Variants in HCK observed in about 807,000 individuals in gnomAD.
HCK encodes tyrosine-protein kinase HCK.
Under a neutral mutation model 70.4 loss-of-function variants are expected in HCK, and 40 were observed. The observed-to-expected ratio is 0.57, with a 90% CI of 0.44 to 0.74. The LOEUF is 0.74. HCK is among the 30% of genes least tolerant of loss of function. The probability of loss-of-function intolerance (pLI) is 0.00; values close to 1 mark genes in which losing one functional copy is unlikely to be tolerated. For missense variants in HCK, 568 were observed against 697.2 expected, an observed-to-expected ratio of 0.81 and a Z score of 2.09; for synonymous variants, 245 against 263.2, an observed-to-expected ratio of 0.93 and a Z score of 0.67.
chr20:32,076,954 C>T (rs1462165527), intron 5 of HCK, among the ~76,000 whole-genome samples: 2 of 152,058 alleles, frequency 1.3e-5, no homozygotes, highest in East Asian at 1.9e-4. Flanking sequence ...GGTGTGATGG[C>T]GGGCTCCTGT....
At chr20:32,091,638 C>A (rs761150504) in intron 10 of HCK, among the ~76,000 whole-genome samples, 5 of 152,008 alleles carry the variant, frequency 3.3e-5, no homozygotes, top group African/African-American at 9.7e-5. Flanking sequence ...CCCCACCCCC[C>A]ACTATTCTAA....
chr20:32,069,962 T>C (rs909697845), intron 1 of HCK, among the ~76,000 whole-genome samples: 2 of 152,244 alleles, frequency 1.3e-5, no homozygotes, highest in Non-Finnish European at 2.9e-5. Context: ...ACAGCCTGCC[T>C]TCTCAGCAAA....
Position 32,058,433 on chromosome 20 carries a change from G to A in HCK, c.62+5947G>A, listed in dbSNP as rs527499733. Among the ~76,000 whole-genome samples the A allele has an allele frequency of 1.1e-4, 17 of 151,634 alleles. No homozygotes were observed. In the East Asian group the frequency reaches 1.2e-3, roughly 10 times the overall value. On this transcript the variant is annotated intron_variant, in intron 1 of 12. Coordinates refer to ENST00000375852, the MANE Select transcript of HCK (RefSeq NM_002110.5). ...TGTAATTTCAGCTACTTGGGAAGCC[G>A]AGGCAGGAGAATTGCTGGAACCCGG... is the stretch of plus-strand genomic sequence containing the variant.
At position 32,077,073 on chromosome 20, in the gene HCK, G is replaced by A. The variant is rs76702896; in HGVS notation, c.428+2352G>A. ...CACTCCAGCCTGGACAACAGAGCGA[G>A]ACTCTATCTCAAAAAATAATAATAA... On this transcript the variant is annotated intron_variant, in intron 5 of 12. Coordinates refer to ENST00000375852, the MANE Select transcript of HCK (RefSeq NM_002110.5). 2.2e-3 allele frequency among the ~76,000 whole-genome samples: 331 copies of A among 152,196 alleles called. 2 individuals are homozygous for A. The highest frequency in any genetic ancestry group is 7.2e-3 in the African/African-American group (300 of 41,532).
At chr20:32,093,209 T>C (rs1327016710) in intron 10 of HCK, among the ~76,000 whole-genome samples, 5 of 152,176 alleles carry the variant, frequency 3.3e-5, no homozygotes, top group Non-Finnish European at 5.9e-5. Flanking sequence ...CCTCCCAAAG[T>C]GCTGGGATTA....
intron 1 of HCK, among the ~76,000 whole-genome samples, chr20:32,052,856 G>A (rs937245258): frequency 6.6e-6 from 1 of 151,906 alleles, no homozygotes; most frequent in Non-Finnish European, 1.5e-5. Flanking sequence ...CAGAACCCGG[G>A]AAGGGGAAGG....
At position 32,093,897 on chromosome 20, in the gene HCK, A is replaced by G. The variant is rs1322451136; in HGVS notation, c.1127A>G (p.Asn376Ser). 2 of 1,613,776 alleles carry G rather than the reference A, an allele frequency of 1.2e-6. No individual in the cohort carries two copies. The highest frequency in any genetic ancestry group is 1.3e-5 in the African/African-American group (1 of 74,894). Residue 376 changes from asparagine to serine, a missense_variant, in exon 11 of 13, where the codon AAC (asparagine) becomes AGC (serine). Transcript: ENST00000375852. ...GGCATGGCCTTCATCGAGCAGAGGA[A>G]CTACATCCACCGAGACCTCCGAGCT...
intron 10 of HCK, among the ~76,000 whole-genome samples, chr20:32,091,943 C>T (rs2045869124): frequency 6.6e-6 from 1 of 151,618 alleles, no homozygotes. Context: ...TGTGATCCCA[C>T]CACTGTACTC....
chr20:32,067,411 C>A (rs2045474060), intron 1 of HCK, among the ~76,000 whole-genome samples: 1 of 152,172 alleles, frequency 6.6e-6, no homozygotes, highest in Non-Finnish European at 1.5e-5. Flanking sequence ...CCCCTGGCAA[C>A]CACCATTCTA....
chr20:32,072,018 T>G (rs1250398581), intron 2 of HCK: 7 of 535,560 alleles, frequency 1.3e-5, no homozygotes, highest in Non-Finnish European at 2.0e-5. Flanking sequence ...CAGCCTGAGC[T>G]CCACCAAACA....
chr20:32,077,033 G>A (rs1442504421), intron 5 of HCK, among the ~76,000 whole-genome samples: 3 of 152,030 alleles, frequency 2.0e-5, no homozygotes, highest in East Asian at 1.9e-4. Context: ...GCAGTGAGCC[G>A]AGATCACGCC....
chr20:32,088,378 A>C (rs1212091693), intron 9 of HCK, among the ~76,000 whole-genome samples, 190 bp from the exon 10 acceptor site: 1 of 152,196 alleles, frequency 6.6e-6, no homozygotes, highest in Non-Finnish European at 1.5e-5. Flanking sequence ...TAGCAATCAA[A>C]AAGTCACTTC....
chr20:32,053,637 CAAAAAAAAAA>C (rs1160849578), intron 1 of HCK, among the ~76,000 whole-genome samples: 10 of 60,796 alleles, frequency 1.6e-4, no homozygotes, highest in South Asian at 7.4e-4. Flanking sequence ...GACTCTGTCT[CAAAAAAAAAA>C]AAAAAAAAAA....
chr20:32,061,898 G>A (rs746215798), intron 1 of HCK, among the ~76,000 whole-genome samples: 27 of 151,668 alleles, frequency 1.8e-4, no homozygotes, highest in Admixed American at 3.9e-4. Flanking sequence ...GAAACCCTGG[G>A]TGGGGGTTGA....
At chr20:32,095,918 C>G (rs1400627977) in intron 11 of HCK, among the ~76,000 whole-genome samples, 1 of 151,176 alleles carries the variant, frequency 6.6e-6, no homozygotes, top group African/African-American at 2.4e-5. Context: ...GAGACGGAGT[C>G]TCGCTCTGCT....
intron 8 of HCK, among the ~76,000 whole-genome samples, chr20:32,085,481 TCCAG>T (rs1202684318): frequency 1.3e-5 from 2 of 151,810 alleles, no homozygotes; most frequent in African/African-American, 2.4e-5. Flanking sequence ...ACCACTGCAC[TCCAG>T]CCTGGGAGAC....
intron 4 of HCK, among the ~76,000 whole-genome samples, chr20:32,074,323 C>A (rs1177934583): frequency 1.3e-5 from 2 of 152,134 alleles, no homozygotes; most frequent in Non-Finnish European, 2.9e-5. Flanking sequence ...CAGGACCCTG[C>A]CATGGGTATA....
At chr20:32,069,823 G>GT (rs1012009849) in intron 1 of HCK, 23 of 1,151,182 alleles carry the variant, frequency 2.0e-5, no homozygotes, top group East Asian at 5.8e-5. Flanking sequence ...GGAGTTTGGG[G>GT]TTTTTTTCCT....
chr20:32,098,610 C>T (rs2045989205), intron 11 of HCK, among the ~76,000 whole-genome samples: 1 of 152,170 alleles, frequency 6.6e-6, no homozygotes, highest in Non-Finnish European at 1.5e-5. Context: ...AGAATCCTCC[C>T]TTTTCCCATC....
Sources: gnomAD v4.1 joint callset for allele counts (sites outside exome capture counted in the v4.1 genomes callset) on GRCh38, gnomAD v4.1.1 for gene constraint, MANE v1.5 for transcripts, NCBI Gene and HGNC (gene_info 2026-07-23, HGNC 2026-07-21) for gene names.